The following PVT1 variants were observed in gnomAD, a reference collection of about 807,000 sequenced individuals.
PVT1 encodes the protein CXCR4/PVT1 fusion.
intron 5 of PVT1, among the ~76,000 whole-genome samples, chr8:128,089,222 T>G (rs1356909830): frequency 2.6e-5 from 4 of 152,230 alleles, no homozygotes; most frequent in African/African-American, 4.8e-5. Context: ...AGTTTACTTC[T>G]CATAGTTCTA....
At chr8:128,018,549 A>G (rs1817399206) in intron 4 of PVT1, among the ~76,000 whole-genome samples, 2 of 152,352 alleles carry the variant, frequency 1.3e-5, no homozygotes, top group Admixed American at 1.3e-4. Flanking sequence ...CCAGGGAGAT[A>G]GGTACCGAAA....
intron 4 of PVT1, among the ~76,000 whole-genome samples, chr8:128,051,028 G>A (rs1813687725): frequency 6.6e-6 from 1 of 152,222 alleles, no homozygotes; most frequent in Admixed American, 6.5e-5. Flanking sequence ...TGACTGTGGT[G>A]TAAGATTCTC....
chr8:127,842,617 A>G (rs1814985590), intron 2 of PVT1, among the ~76,000 whole-genome samples: 1 of 152,068 alleles, frequency 6.6e-6, no homozygotes, highest in African/African-American at 2.4e-5. Context: ...TGGACTCCAC[A>G]GAAAGGCCGA....
intron 3 of PVT1, among the ~76,000 whole-genome samples, chr8:127,951,347 C>T (rs1250261100): frequency 3.3e-5 from 5 of 152,214 alleles, no homozygotes; most frequent in Non-Finnish European, 7.3e-5. Flanking sequence ...GTGTCCACAG[C>T]CGTGTTGTTG....
chr8:127,987,205 T>C (rs1314395301), intron 3 of PVT1, among the ~76,000 whole-genome samples: 1 of 152,224 alleles, frequency 6.6e-6, no homozygotes, highest in East Asian at 1.9e-4. Context: ...ATTAGCTGGA[T>C]TTCCCTGGTA....
chr8:128,021,992 C>T (rs558324057), intron 4 of PVT1, among the ~76,000 whole-genome samples: 1 of 152,264 alleles, frequency 6.6e-6, no homozygotes, highest in Admixed American at 6.5e-5. Flanking sequence ...GGAGAGGTTG[C>T]AGTGAGCCAA....
intron 5 of PVT1, among the ~76,000 whole-genome samples, chr8:128,082,177 A>G (rs1814190326): frequency 6.6e-6 from 1 of 152,206 alleles, no homozygotes; most frequent in African/African-American, 2.4e-5. Context: ...ATATTATTTC[A>G]TTTTACACTC....
intron 4 of PVT1, chr8:128,008,766 G>T (rs1336966565): frequency 1.2e-5 from 4 of 329,066 alleles, no homozygotes; most frequent in African/African-American, 6.3e-5. Flanking sequence ...GCATGTGCAG[G>T]CATGATGTCT....
At chr8:127,878,270 C>A (rs1274698393) in intron 2 of PVT1, among the ~76,000 whole-genome samples, 1 of 152,088 alleles carries the variant, frequency 6.6e-6, no homozygotes, top group Admixed American at 6.5e-5. Flanking sequence ...GCATCTTAAT[C>A]ATCTTGAGCC....
chr8:127,984,861 CTTTCTTTCTTTCTT>C (rs1489373149), intron 3 of PVT1, among the ~76,000 whole-genome samples: 1 of 55,100 alleles, frequency 1.8e-5, no homozygotes, highest in African/African-American at 5.8e-5. Context: ...TTCTTTCTTT[CTTTCTTTCTTTCTT>C]TCTTTCTTTC....
chr8:128,004,459 C>G (rs74864336), intron 4 of PVT1, among the ~76,000 whole-genome samples: 2,562 of 152,292 alleles, frequency 0.017, 69 homozygotes, highest in African/African-American at 0.058. Context: ...CCCCTCACTT[C>G]CCTCTCTGCC....
chr8:127,998,531 T>C (rs1361991467), intron 4 of PVT1, among the ~76,000 whole-genome samples: 1 of 94,306 alleles, frequency 1.1e-5, no homozygotes, highest in Non-Finnish European at 2.0e-5. Flanking sequence ...CTTTCCTTCT[T>C]TCTTTCTCTC....
At chr8:128,046,879 C>CA (rs1253748286) in intron 4 of PVT1, among the ~76,000 whole-genome samples, 2 of 152,232 alleles carry the variant, frequency 1.3e-5, no homozygotes, top group Non-Finnish European at 2.9e-5. Flanking sequence ...ACGTAGATTA[C>CA]AGCCCTTTCT....
At chr8:127,798,348 CAGG>C (rs1814421823) in intron 2 of PVT1, among the ~76,000 whole-genome samples, 1 of 151,850 alleles carries the variant, frequency 6.6e-6, no homozygotes, top group Admixed American at 6.6e-5. Flanking sequence ...TGGCCTTGAG[CAGG>C]AGAACACAGT....
At chr8:127,862,745 AT>A (rs1275062126) in intron 2 of PVT1, among the ~76,000 whole-genome samples, 3 of 152,218 alleles carry the variant, frequency 2.0e-5, no homozygotes, top group African/African-American at 7.2e-5. Flanking sequence ...CTATCTTGTT[AT>A]AAAGTTGCTT....
At chr8:128,024,292 G>C (rs1160282180) in intron 4 of PVT1, among the ~76,000 whole-genome samples, 1 of 152,108 alleles carries the variant, frequency 6.6e-6, no homozygotes, top group Non-Finnish European at 1.5e-5. Context: ...GGGCCAGTGG[G>C]TGTCACTGAA....
At chr8:128,034,568 C>T (rs908071931) in intron 4 of PVT1, among the ~76,000 whole-genome samples, 2 of 152,188 alleles carry the variant, frequency 1.3e-5, no homozygotes, top group African/African-American at 4.8e-5. Flanking sequence ...CCTCTGTGCC[C>T]ACTACAGGGT....
intron 2 of PVT1, among the ~76,000 whole-genome samples, chr8:127,839,574 G>GAAAAAAAAAAAAAAAAAAAAAAA (rs61194690): frequency 2.2e-5 from 3 of 134,276 alleles, no homozygotes; most frequent in Non-Finnish European, 3.2e-5. Flanking sequence ...AAAAAAAAAT[G>GAAAAAAAAAAAAAAAAAAAAAAA]AAAAAAAAAA....
rs117802705 is a variant in PVT1, at chr8:127,982,459, G to T, written n.783-6703G>T. Among the ~76,000 whole-genome samples, 396 of 152,114 alleles carry T rather than the reference G, an allele frequency of 2.6e-3. 10 individuals are homozygous for T. In the East Asian group the frequency reaches 0.063, roughly 24 times the overall value. On this transcript the variant is annotated intron_variant and non_coding_transcript_variant, in intron 3 of 10. Coordinates refer to ENST00000651587, the Ensembl canonical transcript of PVT1. The stretch of plus-strand genomic sequence containing the variant: ...GTAGCATGGGATTACTCATGACTTC[G>T]CACTCATGGCAGCCTCACAGGTAAC...
Sources: allele counts gnomAD v4.1 joint callset (sites outside exome capture counted in the v4.1 genomes callset), GRCh38; gene constraint gnomAD v4.1.1; transcripts MANE v1.5; gene names NCBI Gene and HGNC (gene_info 2026-07-23, HGNC 2026-07-21).